The following MYO10 variants were observed in gnomAD, a reference collection of about 807,000 sequenced individuals.
MYO10 encodes the protein myosin X.
In MYO10, 133 loss-of-function variants were observed where a neutral mutation model predicts 257.3. The ratio of observed to expected loss-of-function variants is 0.52; its 90% CI spans 0.45 to 0.60. The LOEUF (loss-of-function observed/expected upper bound fraction) is 0.60, where lower values mean the gene tolerates loss of function less well. Among genes scored for constraint, MYO10 ranks in the 20% least tolerant of loss-of-function variants. The pLI is 0.00. For synonymous variants in MYO10, 1,104 were observed against 1,028.6 expected, an observed-to-expected ratio of 1.07 and a Z score of -1.40; for missense variants, 2,399 against 2,635.7, an observed-to-expected ratio of 0.91 and a Z score of 1.97.
At chr5:16,711,352 A>C in intron 19 of MYO10, 107 bp from the exon 20 acceptor site, 1 of 1,136,096 alleles carries the variant, frequency 8.8e-7, no homozygotes, top group Non-Finnish European at 1.3e-6. Flanking sequence ...GCTTCAAAAC[A>C]CATACGAGAA....
chr5:16,812,926 A>ATTTTT (rs756853883), intron 3 of MYO10, among the ~76,000 whole-genome samples: 1 of 127,986 alleles, frequency 7.8e-6, no homozygotes, highest in African/African-American at 3.1e-5. Flanking sequence ...GGGTGCTTTT[A>ATTTTT]TTTTTTTTTT....
At position 16,696,184 on chromosome 5, in the gene MYO10, T is replaced by G. The variant is rs555532431; in HGVS notation, c.3557-1570A>C. Among the ~76,000 whole-genome samples, 9 of 152,328 alleles carry G rather than the reference T, an allele frequency of 5.9e-5. No individual in the cohort carries two copies. The South Asian group carries it at 1.2e-3, about 21-fold the overall frequency. On this transcript the variant is annotated intron_variant, in intron 26 of 40. Coordinates refer to ENST00000513610, the MANE Select transcript of MYO10 (RefSeq NM_012334.3). ...GATTAATTAGATTTATTTATTTATT[T>G]ATTGATAGCACTCACTCTTGGCCCT...
chr5:16,675,714 A>G (rs28056), intron 34 of MYO10, among the ~76,000 whole-genome samples: 61,816 of 151,854 alleles, frequency 0.41, 13,316 homozygotes, highest in African/African-American at 0.55. Context: ...CCCCAGCCTG[A>G]GTGACAGAGT....
intron 2 of MYO10, among the ~76,000 whole-genome samples, chr5:16,818,821 C>A (rs1742719323): frequency 6.6e-6 from 1 of 152,244 alleles, no homozygotes; most frequent in South Asian, 2.1e-4. Flanking sequence ...CAAGTATGAA[C>A]CATCTTTTGG....
chr5:16,804,407 C>T (rs1742209265), intron 3 of MYO10, among the ~76,000 whole-genome samples: 1 of 152,168 alleles, frequency 6.6e-6, no homozygotes, highest in Non-Finnish European at 1.5e-5. Context: ...CGTAACAGGT[C>T]ACCAAAGGGA....
At chr5:16,891,530 A>G (rs1341439346) in intron 1 of MYO10, among the ~76,000 whole-genome samples, 2 of 152,102 alleles carry the variant, frequency 1.3e-5, no homozygotes, top group East Asian at 3.9e-4. Flanking sequence ...GGAGTAGGAA[A>G]ATGTGATAAA....
chr5:16,800,600 C>T (rs1246527439), intron 3 of MYO10, among the ~76,000 whole-genome samples: 1 of 152,108 alleles, frequency 6.6e-6, no homozygotes, highest in African/African-American at 2.4e-5. Context: ...CCCATAAAAG[C>T]GATGCCCACA....
chr5:16,877,374 C>T (rs10036590), intron 2 of MYO10, among the ~76,000 whole-genome samples: 6,970 of 152,256 alleles, frequency 0.046, 566 homozygotes, highest in African/African-American at 0.16. Context: ...AGTGCCATGC[C>T]CTTCTGTCCC....
intron 17 of MYO10, among the ~76,000 whole-genome samples, chr5:16,759,917 C>T (rs1452754878): frequency 6.6e-6 from 1 of 151,954 alleles, no homozygotes; most frequent in Admixed American, 6.6e-5. Context: ...AGTTTCTAGG[C>T]TGATACTACC....
At chr5:16,931,174 G>A (rs1193318554) in intron 1 of MYO10, among the ~76,000 whole-genome samples, 2 of 152,132 alleles carry the variant, frequency 1.3e-5, no homozygotes, top group East Asian at 3.8e-4. Flanking sequence ...GGGAGGCTGA[G>A]GCAGGAGAAT....
intron 2 of MYO10, among the ~76,000 whole-genome samples, chr5:16,837,875 C>T (rs1211584205): frequency 1.3e-5 from 2 of 151,678 alleles, no homozygotes; most frequent in Non-Finnish European, 2.9e-5. Context: ...GCTCACTTCA[C>T]ATCCGTGTCA....
At chr5:16,925,568 C>T (rs1398188144) in intron 1 of MYO10, among the ~76,000 whole-genome samples, 1 of 152,158 alleles carries the variant, frequency 6.6e-6, no homozygotes, top group Non-Finnish European at 1.5e-5. Flanking sequence ...CCTGCTACCA[C>T]ATCTGGCTAA....
intron 3 of MYO10, among the ~76,000 whole-genome samples, chr5:16,809,189 A>G (rs1339893237): frequency 6.6e-6 from 1 of 151,672 alleles, no homozygotes; most frequent in East Asian, 1.9e-4. Flanking sequence ...AGCCAAAAAA[A>G]CCCAGAAAGT....
At chr5:16,851,017 G>A (rs1743788263) in intron 2 of MYO10, among the ~76,000 whole-genome samples, 1 of 152,002 alleles carries the variant, frequency 6.6e-6, no homozygotes, top group Non-Finnish European at 1.5e-5. Flanking sequence ...TGGCCAGGCT[G>A]CTCTTGAACT....
chr5:16,777,694 A>G (rs1329651043), intron 9 of MYO10, among the ~76,000 whole-genome samples: 2 of 152,108 alleles, frequency 1.3e-5, no homozygotes, highest in Non-Finnish European at 2.9e-5. Flanking sequence ...GGAGACAACC[A>G]TACTTCCTAC....
At chr5:16,876,579 G>A (rs75426042) in intron 2 of MYO10, among the ~76,000 whole-genome samples, 5,346 of 152,164 alleles carry the variant, frequency 0.035, 196 homozygotes, top group East Asian at 0.15. Context: ...TTCTGAGAAG[G>A]AGTCTTGCTC....
intron 11 of MYO10, 108 bp from the exon 12 acceptor site, chr5:16,764,504 GC>G: frequency 1.6e-6 from 2 of 1,213,440 alleles, no homozygotes; most frequent in Non-Finnish European, 2.3e-6. Flanking sequence ...ATAGCATCTG[GC>G]CCTCCAGTGT....
intron 4 of MYO10, among the ~76,000 whole-genome samples, chr5:16,788,554 G>A (rs755994527): frequency 4.6e-5 from 7 of 152,112 alleles, no homozygotes; most frequent in Non-Finnish European, 7.4e-5. Context: ...AGATGATACT[G>A]ACTTTAGAAC....
At chr5:16,684,253 T>A (rs1020452683) in intron 29 of MYO10, among the ~76,000 whole-genome samples, 3 of 152,196 alleles carry the variant, frequency 2.0e-5, no homozygotes, top group Admixed American at 2.0e-4. Context: ...TAATTTAATT[T>A]GTTTGTTTTT....
Sources: gnomAD v4.1 joint callset for allele counts (sites outside exome capture counted in the v4.1 genomes callset) on GRCh38, gnomAD v4.1.1 for gene constraint, MANE v1.5 for transcripts, NCBI Gene and HGNC (gene_info 2026-07-23, HGNC 2026-07-21) for gene names.